Variants in EYS observed in about 807,000 individuals in gnomAD.
EYS encodes protein eyes shut homolog.
A neutral mutation model predicts 282.1 loss-of-function variants in EYS; 250 were observed. The ratio of observed to expected loss-of-function variants is 0.89; its 90% CI spans 0.80 to 0.98. The LOEUF (loss-of-function observed/expected upper bound fraction) is 0.98, where lower values mean the gene tolerates loss of function less well. Ranked by LOEUF, EYS falls within the 50% of genes least tolerant of loss-of-function variation. EYS has a pLI of 0.00. For missense variants in EYS, 4,016 were observed against 3,709.0 expected (o/e 1.08, Z -2.15); for synonymous variants, 1,355 against 1,282.9 (o/e 1.06, Z -1.20).
chr6:64,878,769 A>G (rs1235153304), intron 19 of EYS, among the ~76,000 whole-genome samples: 1 of 140,960 alleles, frequency 7.1e-6, no homozygotes, highest in African/African-American at 2.6e-5. Context: ...TTTTTTTTTT[A>G]ACAAGAGTCA....
At chr6:64,328,045 G>A (rs1307901304) in intron 29 of EYS, among the ~76,000 whole-genome samples, 1 of 152,152 alleles carries the variant, frequency 6.6e-6, no homozygotes, top group Non-Finnish European at 1.5e-5. Flanking sequence ...ACAGAATGAA[G>A]TCCAAGGGGG....
At position 65,353,461 on chromosome 6, in the gene EYS, C is replaced by A. The variant is rs1020404683; in HGVS notation, c.1456G>T (p.Ala486Ser). 9.9e-6 allele frequency: 16 copies of A among 1,612,660 alleles called. No homozygotes were observed. The highest frequency in any genetic ancestry group is 3.3e-5 in the Admixed American group (2 of 59,948). ...QFEYVWQLGF[A>S]GSEGEKCQGV... ...AAAAATTACATAAATTTGTTACCTG[C>A]AAATCCCAATTGCCACACATATTCA... The change falls in exon 9 of 43, where the codon GCA (alanine) becomes TCA (serine). Residue 486 changes from alanine (A) to serine (S), a missense_variant. Ala to Ser is a moderately conservative substitution (Grantham distance 99). Transcript: ENST00000503581.
At chr6:63,840,281 G>A (rs1485829843) in intron 36 of EYS, among the ~76,000 whole-genome samples, 1 of 150,908 alleles carries the variant, frequency 6.6e-6, no homozygotes, top group African/African-American at 2.4e-5. Context: ...AGCCAGGATG[G>A]TCTCCATCTC....
chr6:64,694,037 G>A (rs908703500), intron 22 of EYS, among the ~76,000 whole-genome samples: 2 of 151,996 alleles, frequency 1.3e-5, no homozygotes, highest in Non-Finnish European at 2.9e-5. Context: ...AATGAATAAG[G>A]AGAAAAAACT....
intron 14 of EYS, among the ~76,000 whole-genome samples, chr6:64,959,875 AT>A (rs35264278): frequency 0.52 from 61,532 of 119,216 alleles, 15,781 homozygotes; most frequent in Admixed American, 0.61. Context: ...ACGACTCAGG[AT>A]TTTTTTTTTT....
At chr6:64,850,077 G>A (rs574440871) in intron 19 of EYS, among the ~76,000 whole-genome samples, 1 of 152,014 alleles carries the variant, frequency 6.6e-6, no homozygotes, top group South Asian at 2.1e-4. Context: ...AAAAAATTGA[G>A]ATTAATTATA....
At chr6:64,977,518 CTAAG>C (rs1770507970) in intron 14 of EYS, among the ~76,000 whole-genome samples, 1 of 151,794 alleles carries the variant, frequency 6.6e-6, no homozygotes, top group African/African-American at 2.4e-5. Context: ...ACAATGACCT[CTAAG>C]TGATCAAGTG....
chr6:64,828,711 G>C (rs1765131476), intron 19 of EYS, among the ~76,000 whole-genome samples: 1 of 151,908 alleles, frequency 6.6e-6, no homozygotes, highest in Non-Finnish European at 1.5e-5. Flanking sequence ...TAGTATATTG[G>C]GAATTGTGTA....
At chr6:63,748,144 G>A (rs979786562) in intron 41 of EYS, among the ~76,000 whole-genome samples, 3 of 152,152 alleles carry the variant, frequency 2.0e-5, no homozygotes, top group Non-Finnish European at 1.5e-5. Flanking sequence ...AGGCAGGCCT[G>A]GTGGTGACAC....
At chr6:64,411,278 T>C (rs1773881876) in intron 28 of EYS, among the ~76,000 whole-genome samples, 2 of 152,026 alleles carry the variant, frequency 1.3e-5, no homozygotes, top group African/African-American at 4.8e-5. Context: ...TAACACCATA[T>C]AGGAGAAAAA....
intron 5 of EYS, among the ~76,000 whole-genome samples, chr6:65,435,099 A>G (rs1224853568): frequency 6.6e-6 from 1 of 151,828 alleles, no homozygotes; most frequent in African/African-American, 2.4e-5. Context: ...TTTCTATCTG[A>G]TTTAAGAAAA....
intron 26 of EYS, among the ~76,000 whole-genome samples, chr6:64,442,042 G>A (rs1774966034): frequency 6.6e-6 from 1 of 152,142 alleles, no homozygotes; most frequent in South Asian, 2.1e-4. Flanking sequence ...CTCAGAAGAA[G>A]ACAGGAAAAT....
chr6:65,301,278 G>A lies in EYS; in HGVS notation c.1767-5159C>T, dbSNP rs572506072. The stretch of plus-strand genomic sequence containing the variant: ...TGGGAGGCCGAGGCGGGCAGATCAC[G>A]AGGTCAGGAGATCGAGACCATCCTG... On this transcript the variant is annotated intron_variant, in intron 11 of 42. Transcript: ENST00000503581. Among the ~76,000 whole-genome samples the A allele has an allele frequency of 7.7e-4, 117 of 152,284 alleles. No individual in the cohort carries two copies. In the Middle Eastern group the frequency reaches 0.01, roughly 13 times the overall value.
intron 2 of EYS, among the ~76,000 whole-genome samples, chr6:65,584,106 A>G (rs893107895): frequency 3.9e-5 from 6 of 152,090 alleles, no homozygotes; most frequent in Non-Finnish European, 8.8e-5. Flanking sequence ...AACCCCAGCC[A>G]TCTATCTTTG....
rs1040243976 is a variant in EYS at position 64,002,829 on chromosome 6, C to T, written c.6726-3646G>A. ...CTGGGATTATAGGCATGAGCCTCTG[C>T]GCCTGGCCTGAGGATGATTTTTAAA... is the stretch of plus-strand genomic sequence containing the variant. On this transcript the variant is annotated intron_variant, in intron 33 of 42. Coordinates refer to ENST00000503581, the MANE Select transcript of EYS (RefSeq NM_001142800.2). Among the ~76,000 whole-genome samples, 12 of 152,172 alleles carry T rather than the reference C, an allele frequency of 7.9e-5. No homozygotes were observed. In the South Asian group the frequency reaches 8.3e-4, roughly 11 times the overall value.
At chr6:64,909,760 T>C (rs1767935596) in intron 16 of EYS, among the ~76,000 whole-genome samples, 3 of 151,726 alleles carry the variant, frequency 2.0e-5, no homozygotes, top group Admixed American at 2.0e-4. Flanking sequence ...TTATTTTTAC[T>C]ATATATATAT....
At chr6:65,529,966 T>C (rs981099249) in intron 2 of EYS, among the ~76,000 whole-genome samples, 2 of 152,170 alleles carry the variant, frequency 1.3e-5, no homozygotes, top group Non-Finnish European at 2.9e-5. Context: ...CAATTTATGG[T>C]ACTTAGTTAT....
chr6:65,523,775 T>C (rs1178846308), intron 2 of EYS, among the ~76,000 whole-genome samples: 1 of 152,222 alleles, frequency 6.6e-6, no homozygotes, highest in Non-Finnish European at 1.5e-5. Flanking sequence ...GTCTACGTTA[T>C]GAGAGAACAA....
chr6:64,071,632 T>C lies in EYS; in HGVS notation c.6572-5141A>G, dbSNP rs908913480. On this transcript the variant is annotated intron_variant, in intron 32 of 42. Transcript: ENST00000503581. ...AAAGGGTATATAAAAACACATGTCA[T>C]TTAGCATTAGGTATATCTCCTAATT... is the stretch of plus-strand genomic sequence containing the variant. 7.4e-5 allele frequency among the ~76,000 whole-genome samples: 11 copies of C among 149,126 alleles called. 1 individual carries two copies. Among genetic ancestry groups the C allele is most frequent in the African/African-American group, 2.7e-4 (11 of 40,650 alleles).
Sources: allele counts gnomAD v4.1 joint callset (sites outside exome capture counted in the v4.1 genomes callset), GRCh38; gene constraint gnomAD v4.1.1; transcripts MANE v1.5; gene names NCBI Gene and HGNC (gene_info 2026-07-23, HGNC 2026-07-21).